The following PAK5 variants were observed in gnomAD, a reference collection of about 807,000 sequenced individuals.
The protein encoded by PAK5 is p21 (RAC1) activated kinase 5.
A neutral mutation model predicts 65.9 loss-of-function variants in PAK5; 16 were observed. The ratio of observed to expected loss-of-function variants is 0.24; its 90% CI spans 0.16 to 0.37. The LOEUF (loss-of-function observed/expected upper bound fraction) is 0.37. Among genes scored for constraint, PAK5 ranks in the 10% least tolerant of loss-of-function variants. The pLI, the probability that PAK5 is intolerant of heterozygous loss-of-function variation, is 1.00. For missense variants in PAK5, 785 were observed against 903.9 expected (o/e 0.87, Z 1.69); for synonymous variants, 371 against 354.9 (o/e 1.05, Z -0.51).
In PAK5 at chr20:9,628,264, T is replaced by C. The variant is rs79581810; in HGVS notation, c.204+15861A>G. Among the ~76,000 whole-genome samples the C allele has an allele frequency of 7.0e-3, 1,063 of 152,304 alleles. 11 individuals carry two copies. Among genetic ancestry groups the C allele is most frequent in the African/African-American group, 0.024 (1,007 of 41,560 alleles). On this transcript the variant is annotated intron_variant, in intron 3 of 9. Coordinates refer to ENST00000353224, the MANE Select transcript of PAK5 (RefSeq NM_177990.4). ...ATGAGGAAACAGAAGCTCACAGAGGTTAAGTAACTTGCACTAGGTCATATA... is the reference window on the plus strand; with the variant it reads ...ATGAGGAAACAGAAGCTCACAGAGGCTAAGTAACTTGCACTAGGTCATATA...
chr20:9,619,234 T>C (rs958881342), intron 3 of PAK5, among the ~76,000 whole-genome samples: 1 of 152,140 alleles, frequency 6.6e-6, no homozygotes, highest in Non-Finnish European at 1.5e-5. Flanking sequence ...GATCCTATTG[T>C]TTACTGTTGT....
rs1348687494 is a variant in PAK5 at position 9,563,039 on chromosome 20, A to T, written c.1483-15T>A. On this transcript the variant is annotated splice_polypyrimidine_tract_variant and intron_variant, in intron 5 of 9. Transcript: ENST00000353224. ...ATGATCACGACCTGGGGAAACGGGA[A>T]ATATACTTTTGACTTGTGAAGATGA... 1 of 1,611,488 alleles carries T rather than the reference A, an allele frequency of 6.2e-7. No homozygotes were observed. Among genetic ancestry groups the T allele is most frequent in the Admixed American group, 1.7e-5 (1 of 59,752 alleles).
chr20:9,544,771 T>C (rs1036277677), intron 7 of PAK5, among the ~76,000 whole-genome samples: 7 of 152,082 alleles, frequency 4.6e-5, no homozygotes, highest in Non-Finnish European at 8.8e-5. Flanking sequence ...ACAAAAAATC[T>C]TTACAAATTA....
rs567836615 is a variant in PAK5, at chr20:9,658,024, A to G, written c.-11-13685T>C. Among the ~76,000 whole-genome samples, 22 of 152,334 alleles carry G rather than the reference A, an allele frequency of 1.4e-4. 1 individual carries two copies. The East Asian group carries it at 4.0e-3, about 28-fold the overall frequency. On this transcript the variant is annotated intron_variant, in intron 2 of 9. Transcript: ENST00000353224. The stretch of plus-strand genomic sequence containing the variant: ...TCTGAAGGTAATGACTAGGAAAACT[A>G]GATAAAGTATTTTCACAGTAAGTCT...
intron 1 of PAK5, among the ~76,000 whole-genome samples, chr20:9,809,824 G>A (rs2049277142): frequency 2.0e-5 from 3 of 152,028 alleles, no homozygotes; most frequent in Admixed American, 2.0e-4. Flanking sequence ...ACCACTCTTC[G>A]GAGAATACTA....
At chr20:9,710,217 G>T (rs1292778708) in intron 2 of PAK5, among the ~76,000 whole-genome samples, 1 of 152,102 alleles carries the variant, frequency 6.6e-6, no homozygotes, top group African/African-American at 2.4e-5. Flanking sequence ...AGCCATCCAG[G>T]AAGCAGGAGA....
intron 2 of PAK5, among the ~76,000 whole-genome samples, chr20:9,645,116 C>A (rs542306964): frequency 1.3e-5 from 2 of 152,196 alleles, no homozygotes; most frequent in East Asian, 1.9e-4. Flanking sequence ...TAATTATACA[C>A]CTCTGGACAA....
intron 1 of PAK5, among the ~76,000 whole-genome samples, chr20:9,761,728 T>C (rs1361601446): frequency 6.6e-6 from 1 of 152,190 alleles, no homozygotes; most frequent in Non-Finnish European, 1.5e-5. Context: ...AGATGAAGTA[T>C]ATATTAATTT....
At chr20:9,739,740 C>A (rs1174800490) in intron 1 of PAK5, among the ~76,000 whole-genome samples, 1 of 152,024 alleles carries the variant, frequency 6.6e-6, no homozygotes, top group Admixed American at 6.6e-5. Context: ...TGAGAGAATA[C>A]AAGACTGACT....
intron 1 of PAK5, among the ~76,000 whole-genome samples, chr20:9,813,925 T>C (rs1162215602): frequency 6.6e-6 from 1 of 152,206 alleles, no homozygotes; most frequent in East Asian, 1.9e-4. Flanking sequence ...TGTGTATATG[T>C]TAACCTTCAA....
chr20:9,699,214 A>G (rs920963942), intron 2 of PAK5, among the ~76,000 whole-genome samples: 1 of 152,132 alleles, frequency 6.6e-6, no homozygotes, highest in African/African-American at 2.4e-5. Context: ...GTAATATTAG[A>G]GGTCTTTCTA....
chr20:9,819,518 T>G (rs1443893193), intron 1 of PAK5, among the ~76,000 whole-genome samples: 1 of 152,224 alleles, frequency 6.6e-6, no homozygotes, highest in Admixed American at 6.5e-5. Context: ...GAGACTATAA[T>G]TATATTGCTC....
At chr20:9,712,826 T>G (rs1325024313) in intron 1 of PAK5, among the ~76,000 whole-genome samples, 2 of 152,220 alleles carry the variant, frequency 1.3e-5, no homozygotes, top group Middle Eastern at 3.4e-3. Flanking sequence ...TACAGAAGAA[T>G]GAAATTAAAC....
intron 2 of PAK5, among the ~76,000 whole-genome samples, chr20:9,689,717 A>G (rs1329442435): frequency 6.6e-6 from 1 of 152,198 alleles, no homozygotes; most frequent in Non-Finnish European, 1.5e-5. Context: ...GATCCTCTAT[A>G]TCCATAATGA....
chr20:9,642,275 A>G (rs995243164), intron 3 of PAK5, among the ~76,000 whole-genome samples: 6 of 152,284 alleles, frequency 3.9e-5, no homozygotes, highest in South Asian at 4.1e-4. Flanking sequence ...CCCACCAACA[A>G]TGTGAAAGTG....
chr20:9,719,471 G>A (rs2048188958), intron 1 of PAK5, among the ~76,000 whole-genome samples: 1 of 152,066 alleles, frequency 6.6e-6, no homozygotes, highest in African/African-American at 2.4e-5. Context: ...TTTCCTTTGA[G>A]ACAATAGAAG....
chr20:9,652,037 A>G (rs983465405), intron 2 of PAK5, among the ~76,000 whole-genome samples: 1 of 152,062 alleles, frequency 6.6e-6, no homozygotes, highest in Non-Finnish European at 1.5e-5. Context: ...TTTCTTATTG[A>G]CTCCCTCACG....
At chr20:9,788,521 C>T (rs2049016648) in intron 1 of PAK5, among the ~76,000 whole-genome samples, 1 of 152,042 alleles carries the variant, frequency 6.6e-6, no homozygotes, top group African/African-American at 2.4e-5. Flanking sequence ...AGTGTTAGAA[C>T]TGGAAGGTAA....
intron 2 of PAK5, among the ~76,000 whole-genome samples, chr20:9,674,157 A>G (rs1036607579): frequency 2.0e-5 from 3 of 152,204 alleles, no homozygotes; most frequent in African/African-American, 7.2e-5. Flanking sequence ...TGAGAATGGC[A>G]CGGCCTTGCT....
Sources: allele counts gnomAD v4.1 joint callset (sites outside exome capture counted in the v4.1 genomes callset), GRCh38; gene constraint gnomAD v4.1.1; transcripts MANE v1.5; gene names NCBI Gene and HGNC (gene_info 2026-07-23, HGNC 2026-07-21).